DPYSL3: variants seen among roughly 807,000 people sequenced by gnomAD.
DPYSL3 encodes the protein dihydropyrimidinase like 3.
DPYSL3 carries 16 observed loss-of-function variants against 66.1 expected under a neutral mutation model. That is an observed-to-expected ratio of 0.24 (90% CI 0.16 to 0.37). The LOEUF is 0.37. Among genes scored for constraint, DPYSL3 ranks in the 10% least tolerant of loss-of-function variants. DPYSL3 has a pLI of 1.00. For synonymous variants in DPYSL3, 338 were observed against 345.1 expected (o/e 0.98, Z 0.23); for missense variants, 738 against 916.2 (o/e 0.81, Z 2.51).
chr5:147,425,881 G>C (rs1209618070), intron 1 of DPYSL3, among the ~76,000 whole-genome samples: 1 of 152,108 alleles, frequency 6.6e-6, no homozygotes, highest in African/African-American at 2.4e-5. Flanking sequence ...AAGCTTTGTT[G>C]GGTTCATGGA....
At chr5:147,403,679 A>T (rs1479714193) in intron 8 of DPYSL3, among the ~76,000 whole-genome samples, 1 of 152,232 alleles carries the variant, frequency 6.6e-6, no homozygotes, top group Non-Finnish European at 1.5e-5. Context: ...GACTAAACAC[A>T]CTGAGACTTC....
intron 1 of DPYSL3, among the ~76,000 whole-genome samples, chr5:147,434,055 G>T (rs1292716650): frequency 6.6e-6 from 1 of 151,566 alleles, no homozygotes; most frequent in East Asian, 1.9e-4. Flanking sequence ...CTCCTAAGTG[G>T]TAGGTATTAC....
intron 1 of DPYSL3, among the ~76,000 whole-genome samples, chr5:147,463,105 G>A (rs1054963426): frequency 2.6e-5 from 4 of 152,146 alleles, no homozygotes; most frequent in African/African-American, 7.2e-5. Context: ...TAGGCTACCT[G>A]AGCAGGTGGT....
intron 5 of DPYSL3, among the ~76,000 whole-genome samples, chr5:147,413,365 T>G (rs2152020994): frequency 6.6e-6 from 1 of 152,268 alleles, no homozygotes; most frequent in Middle Eastern, 3.4e-3. Flanking sequence ...CTCTTGCCGT[T>G]TAAGAAAGCT....
chr5:147,484,114 G>T (rs1165741661), intron 1 of DPYSL3, among the ~76,000 whole-genome samples: 1 of 152,334 alleles, frequency 6.6e-6, no homozygotes, highest in Admixed American at 6.5e-5. Flanking sequence ...CAGGTTCCCG[G>T]CAAGTAACCA....
intron 1 of DPYSL3, chr5:147,453,473 T>A: frequency 6.7e-7 from 1 of 1,482,152 alleles, no homozygotes; most frequent in Non-Finnish European, 9.0e-7. Flanking sequence ...GCCGGCGGGA[T>A]CCGAGCCGAC....
At chr5:147,398,584 A>G (rs1239232923) in intron 11 of DPYSL3, among the ~76,000 whole-genome samples, 1 of 152,196 alleles carries the variant, frequency 6.6e-6, no homozygotes, top group African/African-American at 2.4e-5. Flanking sequence ...CTGCACTTTA[A>G]TTATCATCCT....
chr5:147,450,971 A>G (rs1326130208), intron 1 of DPYSL3, among the ~76,000 whole-genome samples: 1 of 152,212 alleles, frequency 6.6e-6, no homozygotes, highest in Non-Finnish European at 1.5e-5. Context: ...TAGATCTTTA[A>G]TCATATTTGC....
chr5:147,446,007 C>T (rs946823964), intron 1 of DPYSL3, among the ~76,000 whole-genome samples: 4 of 152,134 alleles, frequency 2.6e-5, no homozygotes, highest in South Asian at 2.1e-4. Flanking sequence ...CAACCAAAGC[C>T]GCTTATATCC....
intron 1 of DPYSL3, chr5:147,454,131 G>A (rs1208996438): frequency 6.6e-6 from 1 of 151,570 alleles, no homozygotes; most frequent in Non-Finnish European, 1.5e-5. Context: ...CCGAGTTGCG[G>A]GCGCCGCCGC....
chr5:147,400,624 C>A (rs114058811), intron 10 of DPYSL3, 68 bp downstream of exon 10: 1 of 1,566,334 alleles, frequency 6.4e-7, no homozygotes, highest in Non-Finnish European at 8.7e-7. Context: ...CAACTGGTGG[C>A]AGGAGGTTCT....
intron 1 of DPYSL3, among the ~76,000 whole-genome samples, chr5:147,454,971 T>C (rs1009389950): frequency 1.3e-5 from 2 of 152,002 alleles, no homozygotes; most frequent in Non-Finnish European, 2.9e-5. Context: ...GCAAAAAAAA[T>C]TATAAAACCC....
intron 7 of DPYSL3, 143 bp from the exon 8 acceptor site, chr5:147,405,873 C>T (rs1758314156): frequency 9.5e-7 from 1 of 1,058,094 alleles, no homozygotes; most frequent in Non-Finnish European, 1.3e-6. Context: ...AGCCTATATC[C>T]ACATCTCAGA....
chr5:147,434,923 T>C (rs1174581134), intron 1 of DPYSL3, among the ~76,000 whole-genome samples: 2 of 152,224 alleles, frequency 1.3e-5, no homozygotes, highest in African/African-American at 4.8e-5. Flanking sequence ...CTCTTCAATG[T>C]ATCAATATTG....
intron 1 of DPYSL3, among the ~76,000 whole-genome samples, chr5:147,426,534 T>G (rs1434338476): frequency 1.3e-5 from 2 of 152,164 alleles, no homozygotes; most frequent in Non-Finnish European, 2.9e-5. Context: ...ATGTTCTCCA[T>G]GGCTATTTGA....
At chr5:147,494,482 G>A (rs1307750196) in intron 1 of DPYSL3, among the ~76,000 whole-genome samples, 1 of 151,672 alleles carries the variant, frequency 6.6e-6, no homozygotes, top group Non-Finnish European at 1.5e-5. Flanking sequence ...TCTCTAGCCA[G>A]GCTAACAAAG....
At chr5:147,453,917 C>A in intron 1 of DPYSL3, 1 of 382,570 alleles carries the variant, frequency 2.6e-6, no homozygotes, top group Non-Finnish European at 4.5e-6. Context: ...CGACTCCTCC[C>A]TCTTCTCTCT....
chr5:147,437,943 C>T (rs11952079), intron 1 of DPYSL3, among the ~76,000 whole-genome samples: 3,180 of 152,310 alleles, frequency 0.021, 117 homozygotes, highest in African/African-American at 0.071. Context: ...CTAGTGCCTA[C>T]CTTCCCTCTC....
chr5:147,410,198 G>A lies in DPYSL3; in HGVS notation c.964-1402C>T, dbSNP rs17106682. 0.014 allele frequency among the ~76,000 whole-genome samples: 2,100 copies of A among 152,254 alleles called. 130 individuals are homozygous for A. The East Asian group carries it at 0.19, about 14-fold the overall frequency. On this transcript the variant is annotated intron_variant, in intron 6 of 13. Transcript: ENST00000343218. Reference sequence around the variant, plus strand: ...AATCTCTGTCTTAGGTGACACTTGTGCTTCTGTCTTGTTTGAGTGCACCAG... The same window carrying A: ...AATCTCTGTCTTAGGTGACACTTGTACTTCTGTCTTGTTTGAGTGCACCAG...
Sources: allele counts gnomAD v4.1 joint callset (sites outside exome capture counted in the v4.1 genomes callset), GRCh38; gene constraint gnomAD v4.1.1; transcripts MANE v1.5; gene names NCBI Gene and HGNC (gene_info 2026-07-23, HGNC 2026-07-21).